CPAP: variants seen among roughly 807,000 people sequenced by gnomAD.
CPAP encodes centrosomal P4.1-associated protein.
At chr13:24,918,293 T>A in the CPAP span, among the ~76,000 whole-genome samples, 7 of 152,192 alleles carry the variant, frequency 4.6e-5, no homozygotes, top group Non-Finnish European at 8.8e-5. Flanking sequence ...GAAAAAGTTT[T>A]AAAAAATTTT....
chr13:24,904,001 A>G, the CPAP span: 1 of 1,614,024 alleles, frequency 6.2e-7, no homozygotes. Context: ...AAACTTTTCT[A>G]TTTCTGTTTC....
the CPAP span, among the ~76,000 whole-genome samples, chr13:24,900,402 A>T: frequency 1.2e-4 from 18 of 152,348 alleles, no homozygotes; most frequent in Non-Finnish European, 2.4e-4. Flanking sequence ...TGGGAGGCCG[A>T]GGCGGGCAGA....
At chr13:24,895,828 T>C in the CPAP span, among the ~76,000 whole-genome samples, 9 of 152,226 alleles carry the variant, frequency 5.9e-5, no homozygotes, top group African/African-American at 2.2e-4. Context: ...ATGATTAATA[T>C]AAATTCCAGG....
chr13:24,912,411 G>A, the CPAP span, among the ~76,000 whole-genome samples: 1 of 152,154 alleles, frequency 6.6e-6, no homozygotes, highest in African/African-American at 2.4e-5. Flanking sequence ...GTTATTATAA[G>A]TGCTAATTAA....
chr13:24,895,897 G>T, the CPAP span, among the ~76,000 whole-genome samples: 1 of 152,104 alleles, frequency 6.6e-6, no homozygotes, highest in African/African-American at 2.4e-5. Flanking sequence ...AGTACATAAG[G>T]GGTTCTCAAT....
chr13:24,929,068 T>C, the CPAP span, among the ~76,000 whole-genome samples: 3 of 152,242 alleles, frequency 2.0e-5, no homozygotes, highest in Non-Finnish European at 4.4e-5. Context: ...TGTAGGTTTT[T>C]ATTACACATT....
the CPAP span, chr13:24,905,420 AAAG>A: frequency 6.2e-7 from 1 of 1,614,166 alleles, no homozygotes. Context: ...TTTTGGTTTC[AAAG>A]AAGGAAAGAA....
At chr13:24,911,208 C>T in the CPAP span, among the ~76,000 whole-genome samples, 2 of 152,276 alleles carry the variant, frequency 1.3e-5, no homozygotes, top group African/African-American at 2.4e-5. Flanking sequence ...CCAATAAGGA[C>T]TGATGACATG....
the CPAP span, among the ~76,000 whole-genome samples, chr13:24,922,592 T>C: frequency 3.3e-5 from 5 of 152,202 alleles, no homozygotes; most frequent in Admixed American, 2.6e-4. Context: ...TGAACTGCCG[T>C]GGGCCTCAGC....
the CPAP span, among the ~76,000 whole-genome samples, chr13:24,904,442 A>C: frequency 1.3e-5 from 2 of 152,232 alleles, no homozygotes; most frequent in African/African-American, 4.8e-5. Flanking sequence ...TAATCAAATA[A>C]ATGCAAATTG....
At chr13:24,892,670 G>A in the CPAP span, 14 of 1,613,810 alleles carry the variant, frequency 8.7e-6, no homozygotes, top group Middle Eastern at 1.6e-4. Context: ...TCTCCACCTC[G>A]AGGCTGCTCT....
chr13:24,920,217 T>C, the CPAP span, among the ~76,000 whole-genome samples: 1 of 152,234 alleles, frequency 6.6e-6, no homozygotes, highest in East Asian at 1.9e-4. Context: ...TGTGTTTGGT[T>C]TTCTGAAGCA....
At chr13:24,903,107 A>AC in the CPAP span, among the ~76,000 whole-genome samples, 10 of 152,342 alleles carry the variant, frequency 6.6e-5, no homozygotes, top group South Asian at 2.1e-3. Context: ...AATATAACAT[A>AC]TATAAATAGC....
the CPAP span, among the ~76,000 whole-genome samples, chr13:24,893,564 G>C: frequency 6.6e-6 from 1 of 152,210 alleles, no homozygotes; most frequent in African/African-American, 2.4e-5. Flanking sequence ...AGGACATCTG[G>C]GCCCCACCAC....
chr13:24,931,296 T>C, the CPAP span, among the ~76,000 whole-genome samples: 2 of 109,952 alleles, frequency 1.8e-5, no homozygotes, highest in East Asian at 4.8e-4. Flanking sequence ...TTGGCCATTT[T>C]TTCATGTTTC....
chr13:24,887,759 T>C, the CPAP span, among the ~76,000 whole-genome samples: 6,729 of 152,182 alleles, frequency 0.044, 469 homozygotes, highest in African/African-American at 0.15. Context: ...CATGGAAAAA[T>C]TGTCTTCCAC....
the CPAP span, among the ~76,000 whole-genome samples, chr13:24,922,257 C>T: frequency 6.6e-6 from 1 of 152,146 alleles, no homozygotes; most frequent in African/African-American, 2.4e-5. Flanking sequence ...ATACAAACAG[C>T]AAATTCAAAG....
chr13:24,908,126 CCT>C, the CPAP span: 1 of 1,605,044 alleles, frequency 6.2e-7, no homozygotes, highest in Non-Finnish European at 8.5e-7. Flanking sequence ...GATACTTTCT[CCT>C]GAGATAAAAA....
the CPAP span, chr13:24,905,435 TTCA>T: frequency 3.7e-6 from 6 of 1,614,198 alleles, no homozygotes; most frequent in South Asian, 6.6e-5. Context: ...AGGAAAGAAT[TTCA>T]TCATCAGCTC....
Sources: allele counts gnomAD v4.1 joint callset (sites outside exome capture counted in the v4.1 genomes callset), GRCh38; gene constraint gnomAD v4.1.1; transcripts MANE v1.5; gene names NCBI Gene and HGNC (gene_info 2026-07-23, HGNC 2026-07-21).